LRRK2: variants seen among roughly 807,000 people sequenced by gnomAD.
The protein encoded by LRRK2 is leucine rich repeat kinase 2.
In LRRK2, 203 loss-of-function variants were observed where a neutral mutation model predicts 302.6. That is an observed-to-expected ratio of 0.67 (90% confidence interval 0.60 to 0.75). The LOEUF (loss-of-function observed/expected upper bound fraction) is 0.75. Ranked by LOEUF, LRRK2 falls within the 30% of genes least tolerant of loss-of-function variation. LRRK2 has a pLI of 0.00. For missense variants in LRRK2, 2,830 were observed against 2,951.0 expected, an observed-to-expected ratio of 0.96 and a Z score of 0.95; for synonymous variants, 1,066 against 1,031.9, an observed-to-expected ratio of 1.03 and a Z score of -0.63.
intron 7 of LRRK2, among the ~76,000 whole-genome samples, chr12:40,248,492 C>T (rs1942108777): frequency 1.3e-5 from 2 of 152,038 alleles, no homozygotes; most frequent in East Asian, 1.9e-4. Flanking sequence ...TTGATTATCT[C>T]TTAGTGGATG....
intron 14 of LRRK2, among the ~76,000 whole-genome samples, chr12:40,272,356 A>G (rs1565699793): frequency 6.6e-6 from 1 of 152,210 alleles, no homozygotes; most frequent in Non-Finnish European, 1.5e-5. Context: ...TTGGGCTTAG[A>G]ACTTGAAAGA....
chr12:40,235,580 G>A, intron 3 of LRRK2, 46 bp from the exon 4 acceptor site: 1 of 1,301,358 alleles, frequency 7.7e-7, no homozygotes, highest in Non-Finnish European at 1.1e-6. Flanking sequence ...GCAAACTTTT[G>A]AGTATGATAT....
At chr12:40,307,998 T>C (rs1412625578) in intron 28 of LRRK2, among the ~76,000 whole-genome samples, 1 of 151,986 alleles carries the variant, frequency 6.6e-6, no homozygotes, top group African/African-American at 2.4e-5. Context: ...GCCAGGCTGG[T>C]CTCAAACTCC....
chr12:40,302,998 T>A (rs1944685860), intron 26 of LRRK2, 116 bp downstream of exon 26: 1 of 711,624 alleles, frequency 1.4e-6, no homozygotes, highest in Middle Eastern at 2.8e-4. Flanking sequence ...CTCAACTTGA[T>A]GTTTTTGTAT....
chr12:40,280,851 G>T (rs1000064496), intron 18 of LRRK2, among the ~76,000 whole-genome samples: 1 of 151,476 alleles, frequency 6.6e-6, no homozygotes, highest in Non-Finnish European at 1.5e-5. Flanking sequence ...TGGATCATGA[G>T]GTCAGGAGAT....
intron 3 of LRRK2, 38 bp from the exon 4 acceptor site, chr12:40,235,588 T>G (rs372481446): frequency 2.9e-5 from 39 of 1,354,144 alleles, no homozygotes; most frequent in Admixed American, 1.2e-4. Context: ...TTGAGTATGA[T>G]ATTTCATTCT....
chr12:40,238,095 T>A lies in LRRK2; in HGVS notation c.563T>A (p.Phe188Tyr), dbSNP rs551650159. The A allele has an allele frequency of 2.5e-6, 4 of 1,613,430 alleles. No individual in the cohort carries two copies. The Admixed American group carries it at 6.7e-5, about 27-fold the overall frequency. The change falls in exon 5 of 51, where the codon TTT (phenylalanine) becomes TAT (tyrosine). Residue 188 changes from phenylalanine (F) to tyrosine (Y), a missense_variant. Physicochemically the swap from Phe to Tyr is conservative, Grantham distance 22. This residue lies in a region of LRRK2 where 2,121 missense variants were observed against 2,148.0 expected (regional missense o/e 0.99). Transcript: ENST00000298910. ...GGATGCAAAGCTTTACATGTGCTGT[T>A]TGAGAGAGGTATTTTAAAATGTCAA... The part of the protein sequence containing the change: ...KLGCKALHVL[F>Y]ERVSEEQLTE...
Position 40,298,499 on chromosome 12 carries a change from A to T in LRRK2, c.3347+6A>T, listed in dbSNP as rs201853545. ...GAGCAGCTCATTTTAGAAGGGTAAGAAAGAGCTCATTAAAAATAAAAGGGT... is the reference window on the plus strand; with the variant it reads ...GAGCAGCTCATTTTAGAAGGGTAAGTAAGAGCTCATTAAAAATAAAAGGGT... On this transcript the variant is annotated splice_donor_region_variant and intron_variant, in intron 24 of 50. Transcript: ENST00000298910. 1.4e-5 allele frequency: 22 copies of T among 1,613,902 alleles called. No individual in the cohort carries two copies. In the East Asian group the frequency reaches 4.9e-4, roughly 36 times the overall value.
At chr12:40,364,479 G>C (rs1946813478) in intron 48 of LRRK2, among the ~76,000 whole-genome samples, 1 of 151,370 alleles carries the variant, frequency 6.6e-6, no homozygotes, top group Non-Finnish European at 1.5e-5. Flanking sequence ...ATGTTCCTTT[G>C]TAACATTGAG....
chr12:40,328,232 T>G lies in LRRK2; in HGVS notation c.5657-128T>G, dbSNP rs539902900. 110 of 709,748 alleles carry G rather than the reference T, an allele frequency of 1.5e-4. 2 individuals carry two copies. Among genetic ancestry groups the G allele is most frequent in the South Asian group, 1.3e-3 (78 of 61,820 alleles). The allele number at this position is 709,748 out of a possible 1,614,324, so 44.0% of individuals were successfully genotyped here. A position where few individuals can be genotyped will look rare whatever the true frequency, so the allele number is the denominator to read the frequency against. On this transcript the variant is annotated intron_variant, in intron 38 of 50. Coordinates refer to ENST00000298910, the MANE Select transcript of LRRK2 (RefSeq NM_198578.4). Reference sequence around the variant, plus strand: ...AGAGGAAATGTTAAAGGAGATTTGATTCAATGAAACAAGTAGGTCAGGTTT... The same window carrying G: ...AGAGGAAATGTTAAAGGAGATTTGAGTCAATGAAACAAGTAGGTCAGGTTT...
At chr12:40,354,186 A>T in intron 44 of LRRK2, 113 bp from the exon 45 acceptor site, 1 of 862,824 alleles carries the variant, frequency 1.2e-6, no homozygotes, top group Non-Finnish European at 1.8e-6. Flanking sequence ...TTTTAAAAGT[A>T]ATGCAAGAAA....
intron 44 of LRRK2, among the ~76,000 whole-genome samples, chr12:40,352,367 C>A (rs539586252): frequency 1.9e-4 from 29 of 151,638 alleles, no homozygotes; most frequent in Non-Finnish European, 3.5e-4. Context: ...ATTGTGTTGG[C>A]AAATATAAGA....
intron 2 of LRRK2, among the ~76,000 whole-genome samples, chr12:40,230,668 C>CTTT (rs3057613): frequency 1.8e-4 from 25 of 135,312 alleles, no homozygotes; most frequent in Admixed American, 1.3e-3. Flanking sequence ...TGCACTTTCT[C>CTTT]TTTTTTTTTT....
chr12:40,301,852 G>A (rs1944639479), intron 25 of LRRK2, among the ~76,000 whole-genome samples: 1 of 152,020 alleles, frequency 6.6e-6, no homozygotes, highest in Admixed American at 6.6e-5. Context: ...TTTATTTCTT[G>A]GAGGTACCTC....
chr12:40,346,951 A>AT (rs746079580), intron 42 of LRRK2, 28 bp downstream of exon 42: 20 of 1,582,418 alleles, frequency 1.3e-5, no homozygotes, highest in African/African-American at 8.2e-5. Flanking sequence ...TACAATGAAG[A>AT]TTTTTTTTCT....
intron 39 of LRRK2, 72 bp from the exon 40 acceptor site, chr12:40,334,895 C>A: frequency 6.7e-7 from 1 of 1,496,398 alleles, no homozygotes; most frequent in Non-Finnish European, 9.3e-7. Context: ...CCTGTTGATG[C>A]ACTTTAAAGA....
chr12:40,333,476 G>A (rs1304154266), intron 39 of LRRK2, among the ~76,000 whole-genome samples: 1 of 152,072 alleles, frequency 6.6e-6, no homozygotes, highest in East Asian at 1.9e-4. Flanking sequence ...AGAGTAAAGT[G>A]CAATATACAG....
At chr12:40,227,899 T>C in intron 2 of LRRK2, 1 of 152,148 alleles carries the variant, frequency 6.6e-6, no homozygotes, top group Non-Finnish European at 1.5e-5. Flanking sequence ...AGAGATGGAG[T>C]CTTGCTATGT....
chr12:40,287,395 A>G lies in LRRK2; in HGVS notation c.2545A>G (p.Lys849Glu), dbSNP rs201935073. Residue 849 changes from lysine to glutamate, a missense_variant, in exon 20 of 51, where the codon AAA (lysine) becomes GAA (glutamate). Coordinates refer to ENST00000298910, the MANE Select transcript of LRRK2 (RefSeq NM_198578.4). ...AAGAATGGTGATCAGATATCAGATGAAAAGTGCTGTGGAAGAAGGAACAGC... is the reference window on the plus strand; with the variant it reads ...AAGAATGGTGATCAGATATCAGATGGAAAGTGCTGTGGAAGAAGGAACAGC... Reference protein sequence around the residue: ...LARMVIRYQMKSAVEEGTASG... With the variant: ...LARMVIRYQMESAVEEGTASG... The G allele has an allele frequency of 1.2e-6, 2 of 1,612,680 alleles. No homozygotes were observed. The highest frequency in any genetic ancestry group is 1.7e-6 in the Non-Finnish European group (2 of 1,179,122).
Sources: gnomAD v4.1 joint callset for allele counts (sites outside exome capture counted in the v4.1 genomes callset) on GRCh38, gnomAD v4.1.1 for gene constraint, gnomAD v4.1.1 regional missense constraint, MANE v1.5 for transcripts, NCBI Gene and HGNC (gene_info 2026-07-23, HGNC 2026-07-21) for gene names.